KPNA1: variants seen among roughly 807,000 people sequenced by gnomAD.
KPNA1 encodes karyopherin subunit alpha 1.
A neutral mutation model predicts 70.5 loss-of-function variants in KPNA1; 10 were observed. That is an observed-to-expected ratio of 0.14 (90% CI 0.09 to 0.24). The LOEUF (loss-of-function observed/expected upper bound fraction) is 0.24. KPNA1 is among the 10% of genes least tolerant of loss of function. The pLI, the probability that KPNA1 is intolerant of heterozygous loss-of-function variation, is 1.00. For missense variants in KPNA1, 397 were observed against 637.9 expected (o/e 0.62, Z 4.07); for synonymous variants, 192 against 221.9 (o/e 0.87, Z 1.20).
chr3:122,479,810 T>C (rs1430095859), intron 2 of KPNA1, among the ~76,000 whole-genome samples: 2 of 152,090 alleles, frequency 1.3e-5, no homozygotes, highest in East Asian at 3.8e-4. Flanking sequence ...ACAATACTCC[T>C]TTGTATTCAT....
chr3:122,485,580 TA>T (rs910936572), intron 2 of KPNA1, among the ~76,000 whole-genome samples: 3 of 152,162 alleles, frequency 2.0e-5, no homozygotes, highest in Non-Finnish European at 4.4e-5. Context: ...GTAAAACACG[TA>T]TCTAGCAAAA....
chr3:122,491,395 G>T (rs2076696198), intron 2 of KPNA1, among the ~76,000 whole-genome samples: 1 of 152,130 alleles, frequency 6.6e-6, no homozygotes, highest in Non-Finnish European at 1.5e-5. Context: ...ATTAGCAACA[G>T]AAAATATTTT....
intron 2 of KPNA1, among the ~76,000 whole-genome samples, chr3:122,474,291 T>A (rs1006011018): frequency 6.6e-6 from 1 of 152,162 alleles, no homozygotes; most frequent in Non-Finnish European, 1.5e-5. Context: ...GACCTATAGA[T>A]TCAATGCAAT....
chr3:122,444,830 C>T (rs919595743), intron 9 of KPNA1, among the ~76,000 whole-genome samples: 3 of 152,102 alleles, frequency 2.0e-5, no homozygotes, highest in African/African-American at 4.8e-5. Flanking sequence ...AGAAGGAAAA[C>T]GAATAAGCAG....
intron 2 of KPNA1, among the ~76,000 whole-genome samples, chr3:122,469,152 T>C (rs971966825): frequency 6.6e-6 from 1 of 152,096 alleles, no homozygotes; most frequent in African/African-American, 2.4e-5. Context: ...TTAAGTTAAA[T>C]ATTAAAAGCT....
intron 10 of KPNA1, among the ~76,000 whole-genome samples, chr3:122,438,507 C>T (rs2076019763): frequency 6.6e-6 from 1 of 152,096 alleles, no homozygotes; most frequent in African/African-American, 2.4e-5. Flanking sequence ...CTGCCTCAGC[C>T]TCCTGAGTAG....
At chr3:122,484,440 C>T (rs1001556308) in intron 2 of KPNA1, among the ~76,000 whole-genome samples, 1 of 151,968 alleles carries the variant, frequency 6.6e-6, no homozygotes, top group African/African-American at 2.4e-5. Flanking sequence ...GCAGGCAGAT[C>T]ACCTAAGACC....
At position 122,427,516 on chromosome 3, in the gene KPNA1, T is replaced by A. The variant is rs143498332; in HGVS notation, c.1429+22A>T. The stretch of plus-strand genomic sequence containing the variant: ...ACCCAATTCATTCTTGGCCATAAAC[T>A]TCTTCAACCAAAGCATCTTACCATA... On this transcript the variant is annotated intron_variant, in intron 13 of 13. Transcript: ENST00000344337. 94 of 1,601,796 alleles carry A rather than the reference T, an allele frequency of 5.9e-5. No homozygotes were observed. In the African/African-American group the frequency reaches 1.1e-3, roughly 19 times the overall value.
At chr3:122,492,679 C>T (rs1227576209) in intron 2 of KPNA1, among the ~76,000 whole-genome samples, 1 of 152,318 alleles carries the variant, frequency 6.6e-6, no homozygotes, top group African/African-American at 2.4e-5. Flanking sequence ...GACAGCATAG[C>T]TCAACCATTT....
intron 10 of KPNA1, among the ~76,000 whole-genome samples, chr3:122,437,751 C>T (rs1576282539): frequency 6.6e-6 from 1 of 152,220 alleles, no homozygotes; most frequent in South Asian, 2.1e-4. Flanking sequence ...GATATGACCT[C>T]AGCTATCAGT....
chr3:122,451,853 C>G (rs529857889), intron 7 of KPNA1, 123 bp downstream of exon 7: 18 of 724,978 alleles, frequency 2.5e-5, no homozygotes, highest in South Asian at 1.1e-4. Context: ...AAGAAAATAT[C>G]TGGAATTAAA....
intron 10 of KPNA1, among the ~76,000 whole-genome samples, chr3:122,437,819 G>A (rs1433896937): frequency 2.0e-5 from 3 of 148,528 alleles, no homozygotes; most frequent in Non-Finnish European, 4.5e-5. Flanking sequence ...TACTCTACTA[G>A]AAACTAAAAT....
chr3:122,455,472 G>C (rs1039182322), intron 5 of KPNA1, among the ~76,000 whole-genome samples: 1 of 152,104 alleles, frequency 6.6e-6, no homozygotes. Flanking sequence ...TTATCTCTAT[G>C]ATTAAATTAC....
intron 2 of KPNA1, among the ~76,000 whole-genome samples, chr3:122,494,626 T>C (rs961418498): frequency 1.6e-4 from 25 of 152,158 alleles, no homozygotes; most frequent in African/African-American, 5.6e-4. Flanking sequence ...TCTTTTTTGG[T>C]TCTGTATGAA....
intron 1 of KPNA1, among the ~76,000 whole-genome samples, chr3:122,502,840 G>A (rs2076844277): frequency 6.6e-6 from 1 of 152,126 alleles, no homozygotes; most frequent in African/African-American, 2.4e-5. Flanking sequence ...AATCTGAGTG[G>A]GACGCGGTAG....
intron 2 of KPNA1, among the ~76,000 whole-genome samples, chr3:122,473,300 G>A (rs758846243): frequency 1.3e-5 from 2 of 152,040 alleles, no homozygotes; most frequent in Non-Finnish European, 2.9e-5. Context: ...AAAACATTTA[G>A]GAAAGAAATT....
chr3:122,479,048 T>C (rs2076539803), intron 2 of KPNA1, among the ~76,000 whole-genome samples: 1 of 151,904 alleles, frequency 6.6e-6, no homozygotes, highest in Admixed American at 6.6e-5. Flanking sequence ...TTCGTTAAAA[T>C]TAAAACATTC....
At chr3:122,484,371 AT>A (rs1645169566) in intron 2 of KPNA1, among the ~76,000 whole-genome samples, 2 of 152,214 alleles carry the variant, frequency 1.3e-5, no homozygotes, top group African/African-American at 4.8e-5. Context: ...ATTATAAAAA[AT>A]AAACATGACC....
chr3:122,505,946 C>A (rs1038144533), intron 1 of KPNA1, among the ~76,000 whole-genome samples: 7 of 152,206 alleles, frequency 4.6e-5, no homozygotes, highest in Non-Finnish European at 5.9e-5. Context: ...TCTCAACACC[C>A]TTTTCACTGT....
Sources: gnomAD v4.1 joint callset for allele counts (sites outside exome capture counted in the v4.1 genomes callset) on GRCh38, gnomAD v4.1.1 for gene constraint, MANE v1.5 for transcripts, NCBI Gene and HGNC (gene_info 2026-07-23, HGNC 2026-07-21) for gene names.